The following UQCRQ variants were observed in gnomAD, a reference collection of about 807,000 sequenced individuals.
UQCRQ encodes the protein ubiquinol-cytochrome c reductase complex III subunit VII.
UQCRQ carries 9 observed loss-of-function variants against 7.9 expected under a neutral mutation model. The observed-to-expected ratio is 1.13, with a 90% CI of 0.68 to 1.98. The LOEUF is 1.98. Ranked by LOEUF, UQCRQ falls within the 30% of genes most tolerant of loss-of-function variation. The pLI, the probability that UQCRQ is intolerant of heterozygous loss-of-function variation, is 0.00. For synonymous variants in UQCRQ, 50 were observed against 41.9 expected (o/e 1.19, Z -0.75); for missense variants, 112 against 109.7 (o/e 1.02, Z -0.10).
chr5:132,866,803 A>G, intron 1 of UQCRQ, 66 bp from the exon 2 acceptor site: 1 of 1,584,828 alleles, frequency 6.3e-7, no homozygotes, highest in Non-Finnish European at 8.5e-7. Flanking sequence ...TTGGGGATGG[A>G]CCCCCGCGGG....
chr5:132,866,748 G>C, intron 1 of UQCRQ, 61 bp downstream of exon 1: 1 of 1,320,016 alleles, frequency 7.6e-7, no homozygotes, highest in Non-Finnish European at 1.0e-6. Context: ...GGGGCGCCCC[G>C]CTGGGCTGGG....
At chr5:132,866,758 G>T in intron 1 of UQCRQ, 71 bp downstream of exon 1, 1 of 1,402,496 alleles carries the variant, frequency 7.1e-7, no homozygotes, top group East Asian at 2.5e-5. Flanking sequence ...GCTGGGCTGG[G>T]AAAGGATAAG....
rs924123041 is a variant in UQCRQ, at chr5:132,868,513, A to G, written c.*931A>G. Among the ~76,000 whole-genome samples the G allele has an allele frequency of 7.2e-5, 11 of 152,194 alleles. No individual in the cohort carries two copies. Among genetic ancestry groups the G allele is most frequent in the Non-Finnish European group, 1.2e-4 (8 of 68,026 alleles). ...TGGGCCACACATAAAATACGCTAAC[A>G]TTACAATAGCTGATAAGCTTTAAAA... is the stretch of plus-strand genomic sequence containing the variant. On this transcript the variant is annotated 3_prime_UTR_variant, in exon 3 of 3. Transcript: ENST00000378670.
chr5:132,866,746 C>T, intron 1 of UQCRQ, 59 bp downstream of exon 1: 2 of 1,309,710 alleles, frequency 1.5e-6, no homozygotes, highest in Non-Finnish European at 2.1e-6. Flanking sequence ...TAGGGGCGCC[C>T]CGCTGGGCTG....
rs749277695 is a variant in UQCRQ at position 132,867,510 on chromosome 5, C to T, written c.177C>T (p.Ile59=). ...AAGAGTTTGTAGTGTTTTATCTTAT[C>T]TACACATGGGGGACTGAAGAGTTCG... is the stretch of plus-strand genomic sequence containing the variant. ...VVPQFVVFYL[I]YTWGTEEFER... is the part of the protein sequence containing the mutation. The change falls in exon 3 of 3, where the codon ATC becomes ATT. Residue 59 remains isoleucine, a synonymous_variant. Coordinates refer to ENST00000378670, the MANE Select transcript of UQCRQ (RefSeq NM_014402.5). 6.2e-7 allele frequency: 1 copy of T among 1,613,892 alleles called. No individual in the cohort carries two copies. Among genetic ancestry groups the T allele is most frequent in the East Asian group, 2.2e-5 (1 of 44,884 alleles).
rs577319874 is a variant in UQCRQ at position 132,866,856 on chromosome 5, C to T, written c.-13-13C>T. 361 of 1,611,852 alleles carry T rather than the reference C, an allele frequency of 2.2e-4. 1 individual carries two copies. The highest frequency in any genetic ancestry group is 3.3e-5 in the Non-Finnish European group (39 of 1,179,904). On this transcript the variant is annotated splice_polypyrimidine_tract_variant and intron_variant, in intron 1 of 2. Transcript: ENST00000378670. Reference sequence around the variant, plus strand: ...AAAGCGAGCCAAGCGCCTGTCCACCCTCGGTCCTGCAGGGCCGCCGCCACA... The same window carrying T: ...AAAGCGAGCCAAGCGCCTGTCCACCTTCGGTCCTGCAGGGCCGCCGCCACA...
intron 2 of UQCRQ, 88 bp downstream of exon 2, chr5:132,867,123 G>C: frequency 6.4e-7 from 1 of 1,562,690 alleles, no homozygotes; most frequent in Non-Finnish European, 8.7e-7. Context: ...CTGGCGGCCG[G>C]GCAGGCGCTC....
chr5:132,866,875 C>T lies in UQCRQ; in HGVS notation c.-7C>T. Reference sequence around the variant, plus strand: ...TCCACCCTCGGTCCTGCAGGGCCGCCGCCACAATGGGCCGCGAGTTTGGGA... The same window carrying T: ...TCCACCCTCGGTCCTGCAGGGCCGCTGCCACAATGGGCCGCGAGTTTGGGA... On this transcript the variant is annotated 5_prime_UTR_variant, in exon 2 of 3. Transcript: ENST00000378670. 6.2e-7 allele frequency: 1 copy of T among 1,613,382 alleles called. No homozygotes were observed. The highest frequency in any genetic ancestry group is 8.5e-7 in the Non-Finnish European group (1 of 1,179,950).
rs575068810 is a variant in UQCRQ, at chr5:132,868,544, CA to C, written c.*970del. On this transcript the variant is annotated 3_prime_UTR_variant, in exon 3 of 3. Transcript: ENST00000378670. ...ATAGCTGATAAGCTTTAAAAAATGG[CA>C]AAAAAAACCCTCAGCGTTTTAGAAA... is the stretch of plus-strand genomic sequence containing the variant. Among the ~76,000 whole-genome samples, 2 of 151,586 alleles carry C rather than the reference CA, an allele frequency of 1.3e-5. No individual in the cohort carries two copies. Among genetic ancestry groups the C allele is most frequent in the East Asian group, 1.9e-4 (1 of 5,162 alleles).
rs946945483 is a variant in UQCRQ, at chr5:132,867,967, T to G, written c.*385T>G. On this transcript the variant is annotated 3_prime_UTR_variant, in exon 3 of 3. Transcript: ENST00000378670. Reference sequence around the variant, plus strand: ...TCTACTAACTATATTGTAATTAGTATGTGTCAGGGACGCTTTTATTTTTTA... The same window carrying G: ...TCTACTAACTATATTGTAATTAGTAGGTGTCAGGGACGCTTTTATTTTTTA... The G allele has an allele frequency of 3.8e-6, 1 of 266,292 alleles. No homozygotes were observed. Among genetic ancestry groups the G allele is most frequent in the Non-Finnish European group, 7.4e-6 (1 of 135,480 alleles). The allele number at this position is 266,292 out of a possible 1,614,324, so 16.5% of individuals were successfully genotyped here.
At chr5:132,866,741 G>T in intron 1 of UQCRQ, 54 bp downstream of exon 1, 1 of 1,209,214 alleles carries the variant, frequency 8.3e-7, no homozygotes, top group South Asian at 1.4e-5. Flanking sequence ...GAGGCTAGGG[G>T]CGCCCCGCTG....
At position 132,866,872 on chromosome 5, in the gene UQCRQ, C is replaced by T; in HGVS notation, c.-10C>T. 2 of 1,613,132 alleles carry T rather than the reference C, an allele frequency of 1.2e-6. No individual in the cohort carries two copies. The highest frequency in any genetic ancestry group is 1.7e-6 in the Non-Finnish European group (2 of 1,179,938). The stretch of plus-strand genomic sequence containing the variant: ...CTGTCCACCCTCGGTCCTGCAGGGC[C>T]GCCGCCACAATGGGCCGCGAGTTTG... On this transcript the variant is annotated 5_prime_UTR_variant, in exon 2 of 3. Transcript: ENST00000378670.
Position 132,866,697 on chromosome 5 carries a change from TG to T in UQCRQ, c.-14+14del. 1 of 685,016 alleles carries T rather than the reference TG, an allele frequency of 1.5e-6. No homozygotes were observed. The highest frequency in any genetic ancestry group is 1.9e-5 in the South Asian group (1 of 53,616). 42.4% of individuals were successfully genotyped at this position (685,016 alleles called of 1,614,324 possible). A position where few individuals can be genotyped will look rare whatever the true frequency, so the allele number is the denominator to read the frequency against. On this transcript the variant is annotated intron_variant, in intron 1 of 2. Coordinates refer to ENST00000378670, the MANE Select transcript of UQCRQ (RefSeq NM_014402.5). ...GGGCGAGCTGAGCCCTGTGCGTGAG[TG>T]GGGTCTGGTTGTGCAGTGTTCGTGG... is the stretch of plus-strand genomic sequence containing the variant.
Position 132,868,821 on chromosome 5 carries a change from A to G in UQCRQ, c.*1239A>G, listed in dbSNP as rs999444674. On this transcript the variant is annotated 3_prime_UTR_variant, in exon 3 of 3. Coordinates refer to ENST00000378670, the MANE Select transcript of UQCRQ (RefSeq NM_014402.5). Reference sequence around the variant, plus strand: ...CCTCAAAGATTTACTCTGGCCCTTTATGAATAAAGTTTACCCCTGATCTAA... The same window carrying G: ...CCTCAAAGATTTACTCTGGCCCTTTGTGAATAAAGTTTACCCCTGATCTAA... Among the ~76,000 whole-genome samples, 8 of 152,084 alleles carry G rather than the reference A, an allele frequency of 5.3e-5. No homozygotes were observed. The highest frequency in any genetic ancestry group is 1.0e-4 in the Non-Finnish European group (7 of 67,996).
Position 132,866,887 on chromosome 5 carries a change from C to T in UQCRQ, c.6C>T (p.Gly2=). M[G]REFGNLTRMR... ...CCTGCAGGGCCGCCGCCACAATGGG[C>T]CGCGAGTTTGGGAATCTGACGCGGA... Residue 2 remains glycine, a synonymous_variant, in exon 2 of 3, where the codon GGC becomes GGT. Coordinates refer to ENST00000378670, the MANE Select transcript of UQCRQ (RefSeq NM_014402.5). The T allele has an allele frequency of 1.9e-6, 3 of 1,613,792 alleles. No homozygotes were observed. Among genetic ancestry groups the T allele is most frequent in the Non-Finnish European group, 2.5e-6 (3 of 1,179,948 alleles).
In UQCRQ at chr5:132,867,521, G is replaced by A. The variant is rs373714379; in HGVS notation, c.188G>A (p.Gly63Glu). 1 of 1,613,998 alleles carries A rather than the reference G, an allele frequency of 6.2e-7. No individual in the cohort carries two copies. Among genetic ancestry groups the A allele is most frequent in the African/African-American group, 1.3e-5 (1 of 74,976 alleles). The change falls in exon 3 of 3, where the codon GGG (glycine) becomes GAG (glutamate). Residue 63 changes from glycine (G) to glutamate (E), a missense_variant. By Grantham distance (98) the Gly-to-Glu change is moderately conservative (BLOSUM62 -2). Transcript: ENST00000378670. The stretch of plus-strand genomic sequence containing the variant: ...GTGTTTTATCTTATCTACACATGGG[G>A]GACTGAAGAGTTCGAGAGATCCAAG... ...FVVFYLIYTW[G>E]TEEFERSKRK...
chr5:132,867,092 A>C (rs1294917907), intron 2 of UQCRQ, 57 bp downstream of exon 2: 1 of 1,607,180 alleles, frequency 6.2e-7, no homozygotes, highest in Admixed American at 1.7e-5. Context: ...AGCAGCAGTC[A>C]CTGCGCCTCC....
Position 132,867,015 on chromosome 5 carries a change from C to CT in UQCRQ, c.137dup (p.Phe47LeufsTer19). On this transcript the variant is annotated frameshift_variant, in exon 2 of 3. Coordinates refer to ENST00000378670, the MANE Select transcript of UQCRQ (RefSeq NM_014402.5). LOFTEE classifies it high-confidence loss of function. ...AATGTTCTGCGCCGCATTCGGGAGT[C>CT]TTTCTTTCGCGTGGTGCCGCGTGAG... 1 of 1,613,970 alleles carries CT rather than the reference C, an allele frequency of 6.2e-7. No individual in the cohort carries two copies. Among genetic ancestry groups the CT allele is most frequent in the Non-Finnish European group, 8.5e-7 (1 of 1,179,924 alleles).
chr5:132,866,898 G>C lies in UQCRQ; in HGVS notation c.17G>C (p.Gly6Ala). The C allele has an allele frequency of 6.2e-7, 1 of 1,613,962 alleles. No homozygotes were observed. Among genetic ancestry groups the C allele is most frequent in the Non-Finnish European group, 8.5e-7 (1 of 1,179,962 alleles). The stretch of plus-strand genomic sequence containing the variant: ...GCCGCCACAATGGGCCGCGAGTTTG[G>C]GAATCTGACGCGGATGCGGCATGTG... MGREFGNLTRMRHVIS... is the reference protein window; with the variant it reads MGREFANLTRMRHVIS... The change falls in exon 2 of 3, where the codon GGG becomes GCG. Residue 6 changes from glycine to alanine, a missense_variant. By Grantham distance (60) the Gly-to-Ala change is moderately conservative. Transcript: ENST00000378670.
Sources: allele counts gnomAD v4.1 joint callset (sites outside exome capture counted in the v4.1 genomes callset), GRCh38; gene constraint gnomAD v4.1.1; transcripts MANE v1.5; gene names NCBI Gene and HGNC (gene_info 2026-07-23, HGNC 2026-07-21).